TBL1XR1: variants seen among roughly 807,000 people sequenced by gnomAD.
TBL1XR1 encodes the protein TBL1X/Y related 1.
In TBL1XR1, 5 loss-of-function variants were observed where a neutral mutation model predicts 66.9. The ratio of observed to expected loss-of-function variants is 0.07; its 90% CI spans 0.04 to 0.16. The LOEUF (loss-of-function observed/expected upper bound fraction) is 0.16, where lower values mean the gene tolerates loss of function less well. Ranked by LOEUF, TBL1XR1 falls within the 10% of genes least tolerant of loss-of-function variation. The pLI, the probability that TBL1XR1 is intolerant of heterozygous loss-of-function variation, is 1.00. For synonymous variants in TBL1XR1, 210 were observed against 206.0 expected, an observed-to-expected ratio of 1.02 and a Z score of -0.17; for missense variants, 238 against 623.2, an observed-to-expected ratio of 0.38 and a Z score of 6.58.
rs1576943743 is a variant in TBL1XR1, at chr3:177,020,699, T to C, written c.*4799A>G. On this transcript the variant is annotated 3_prime_UTR_variant, in exon 16 of 16. Coordinates refer to ENST00000457928, the MANE Select transcript of TBL1XR1 (RefSeq NM_024665.7). Reference sequence around the variant, plus strand: ...CCTCTCTCTTTACCTGACTAGTAAATAGTCTATATAAACTACATAGACATC... The same window carrying C: ...CCTCTCTCTTTACCTGACTAGTAAACAGTCTATATAAACTACATAGACATC... The C allele has an allele frequency of 6.6e-6, 1 of 152,174 alleles. No individual in the cohort carries two copies. The highest frequency in any genetic ancestry group is 1.5e-5 in the Non-Finnish European group (1 of 68,020). The allele number at this position is 152,174 out of a possible 1,614,324, so 9.4% of individuals were successfully genotyped here.
intron 1 of TBL1XR1, among the ~76,000 whole-genome samples, chr3:177,158,449 G>A (rs1490766960): frequency 7.2e-5 from 11 of 151,852 alleles, no homozygotes; most frequent in Non-Finnish European, 1.5e-5. Flanking sequence ...GGCTGGTCTC[G>A]AACTCCTGAC....
At chr3:177,119,531 T>G (rs928226643) in intron 1 of TBL1XR1, among the ~76,000 whole-genome samples, 2 of 152,300 alleles carry the variant, frequency 1.3e-5, no homozygotes, top group African/African-American at 4.8e-5. Context: ...CATAGAATGG[T>G]TATTCATATA....
intron 2 of TBL1XR1, chr3:177,078,534 A>G (rs547686265): frequency 2.7e-5 from 4 of 150,106 alleles, no homozygotes; most frequent in Middle Eastern, 3.6e-3. Context: ...GTAGTGAGCT[A>G]TGATTATACC....
chr3:177,114,799 G>A (rs1345881761), intron 1 of TBL1XR1, among the ~76,000 whole-genome samples: 2 of 151,510 alleles, frequency 1.3e-5, no homozygotes, highest in African/African-American at 4.9e-5. Flanking sequence ...AACACAGCAA[G>A]ACCCCATCTC....
intron 14 of TBL1XR1, 64 bp downstream of exon 14, chr3:177,032,906 GT>G: frequency 3.8e-6 from 5 of 1,318,846 alleles, no homozygotes; most frequent in Non-Finnish European, 4.0e-6. Context: ...GTGAGGCAGA[GT>G]GTATAGGCAA....
At chr3:177,142,778 A>G (rs1729777887) in intron 1 of TBL1XR1, among the ~76,000 whole-genome samples, 1 of 152,194 alleles carries the variant, frequency 6.6e-6, no homozygotes, top group Non-Finnish European at 1.5e-5. Context: ...ATCCTCACCA[A>G]TTCATGGATT....
intron 1 of TBL1XR1, among the ~76,000 whole-genome samples, chr3:177,154,591 T>G (rs550432776): frequency 6.6e-6 from 1 of 152,178 alleles, no homozygotes; most frequent in East Asian, 1.9e-4. Flanking sequence ...GAAACGGGGT[T>G]TCGCCATGTT....
At chr3:177,126,459 T>G (rs1337600971) in intron 1 of TBL1XR1, among the ~76,000 whole-genome samples, 2 of 152,222 alleles carry the variant, frequency 1.3e-5, no homozygotes, top group African/African-American at 4.8e-5. Context: ...ATCAGGACTT[T>G]CCCAGTGTTG....
intron 1 of TBL1XR1, among the ~76,000 whole-genome samples, chr3:177,138,218 C>T (rs887851261): frequency 1.3e-5 from 2 of 152,132 alleles, no homozygotes; most frequent in Admixed American, 6.6e-5. Flanking sequence ...GACAGATGAC[C>T]CCATCCTCTG....
intron 14 of TBL1XR1, chr3:177,027,810 T>C (rs1713367554): frequency 6.6e-6 from 1 of 152,222 alleles, no homozygotes; most frequent in South Asian, 2.1e-4. Flanking sequence ...ACTGTTTTGT[T>C]TACTTAAAAT....
Position 177,020,757 on chromosome 3 carries a change from T to C in TBL1XR1, c.*4741A>G, listed in dbSNP as rs1712247066. On this transcript the variant is annotated 3_prime_UTR_variant, in exon 16 of 16. Transcript: ENST00000457928. ...TTATATATGTACACAGCCAACATAA[T>C]ATCAAAATATATTTTATTCTGGACC... The C allele has an allele frequency of 6.6e-6, 1 of 152,174 alleles. No homozygotes were observed. Among genetic ancestry groups the C allele is most frequent in the Non-Finnish European group, 1.5e-5 (1 of 68,028 alleles). 9.4% of individuals were successfully genotyped at this position (152,174 alleles called of 1,614,324 possible). A position where few individuals can be genotyped will look rare whatever the true frequency, so the allele number is the denominator to read the frequency against.
chr3:177,032,266 T>A (rs977339951), intron 14 of TBL1XR1: 6 of 152,348 alleles, frequency 3.9e-5, no homozygotes, highest in African/African-American at 1.4e-4. Flanking sequence ...ACTGTATGCA[T>A]GTATGAAGTA....
intron 1 of TBL1XR1, among the ~76,000 whole-genome samples, chr3:177,186,002 C>A (rs1407033299): frequency 1.3e-5 from 2 of 152,054 alleles, no homozygotes; most frequent in Admixed American, 6.6e-5. Context: ...CAGAGCAAGA[C>A]CCTGCCTCAA....
rs117180909 is a variant in TBL1XR1 at position 177,030,405 on chromosome 3, C to T, written c.1416+2566G>A. Among the ~76,000 whole-genome samples the T allele has an allele frequency of 5.2e-3, 784 of 151,916 alleles. 23 individuals are homozygous for T. In the East Asian group the frequency reaches 0.084, roughly 16 times the overall value. On this transcript the variant is annotated intron_variant, in intron 14 of 15. Coordinates refer to ENST00000457928, the MANE Select transcript of TBL1XR1 (RefSeq NM_024665.7). ...GATATTTCAAAGAAGTGGTAAAAAA[C>T]ACTAGCTTGAAAAGACATACAATAG...
intron 2 of TBL1XR1, chr3:177,091,103 T>C (rs558396668): frequency 1.3e-5 from 2 of 151,902 alleles, no homozygotes; most frequent in Non-Finnish European, 2.9e-5. Context: ...CCCAACTATA[T>C]ATCAAATTGG....
At chr3:177,068,057 C>A (rs1057364930) in intron 2 of TBL1XR1, among the ~76,000 whole-genome samples, 2 of 152,150 alleles carry the variant, frequency 1.3e-5, no homozygotes, top group African/African-American at 4.8e-5. Flanking sequence ...TTACACTTCA[C>A]CACCCAGGTA....
intron 1 of TBL1XR1, among the ~76,000 whole-genome samples, chr3:177,112,096 TATATATATATA>T (rs1235693121): frequency 5.8e-4 from 30 of 51,336 alleles, no homozygotes; most frequent in South Asian, 3.1e-3. Context: ...TATATATATA[TATATATATATA>T]TTTTTTTTTT....
intron 2 of TBL1XR1, among the ~76,000 whole-genome samples, chr3:177,082,170 C>A (rs187878676): frequency 1.1e-3 from 164 of 152,088 alleles, no homozygotes; most frequent in Non-Finnish European, 3.1e-4. Context: ...CAACATAGCA[C>A]TTTTACTTTG....
intron 14 of TBL1XR1, 60 bp downstream of exon 14, chr3:177,032,911 T>C (rs914102124): frequency 9.5e-6 from 13 of 1,373,604 alleles, no homozygotes; most frequent in Admixed American, 5.2e-5. Flanking sequence ...GCAGAGTGTA[T>C]AGGCAAATGC....
Sources: allele counts gnomAD v4.1 joint callset (sites outside exome capture counted in the v4.1 genomes callset), GRCh38; gene constraint gnomAD v4.1.1; transcripts MANE v1.5; gene names NCBI Gene and HGNC (gene_info 2026-07-23, HGNC 2026-07-21).